PDIA6: variants seen among roughly 807,000 people sequenced by gnomAD.
The protein encoded by PDIA6 is protein disulfide isomerase family A member 6.
In PDIA6, 29 loss-of-function variants were observed where a neutral mutation model predicts 58.4. The ratio of observed to expected loss-of-function variants is 0.50; its 90% CI spans 0.37 to 0.68. The LOEUF (loss-of-function observed/expected upper bound fraction) is 0.68, where lower values mean the gene tolerates loss of function less well. Among genes scored for constraint, PDIA6 ranks in the 30% least tolerant of loss-of-function variants. PDIA6 has a pLI of 0.00. For missense variants in PDIA6, 480 were observed against 551.0 expected (o/e 0.87, Z 1.29); for synonymous variants, 192 against 202.6 (o/e 0.95, Z 0.44).
At chr2:10,834,711 CTCCCTCCCTCCCT>C (rs1667786793), upstream of PDIA6, among the ~76,000 whole-genome samples, 1 of 51,040 alleles carries the variant, frequency 2.0e-5, no homozygotes, top group African/African-American at 6.8e-5. Flanking sequence ...CCCTCCCTCC[CTCCCTCCCTCCCT>C]TCCTTCCCTC....
intron 1 of PDIA6, among the ~76,000 whole-genome samples, chr2:10,804,065 C>T (rs1375556850): frequency 6.6e-5 from 10 of 151,906 alleles, no homozygotes; most frequent in Non-Finnish European, 1.0e-4. Flanking sequence ...CCTGCCACCA[C>T]GCCTGGCTAA....
chr2:10,813,119 C>T (rs1290691537), upstream of PDIA6, among the ~76,000 whole-genome samples: 1 of 152,128 alleles, frequency 6.6e-6, no homozygotes, highest in Non-Finnish European at 1.5e-5. Context: ...CCCGCCTCCT[C>T]CTTGCCTGTG....
At chr2:10,831,629 T>G (rs2148584279) in intron 1 of PDIA6, among the ~76,000 whole-genome samples, 1 of 152,310 alleles carries the variant, frequency 6.6e-6, no homozygotes, top group South Asian at 2.1e-4. Flanking sequence ...CTCCACACCC[T>G]GCCTGGCAGA....
At chr2:10,785,984 A>G (rs553581992) in intron 11 of PDIA6, among the ~76,000 whole-genome samples, 86 of 150,756 alleles carry the variant, frequency 5.7e-4, no homozygotes, top group African/African-American at 1.7e-3. Context: ...AAAGTGTTGG[A>G]ATTACAGGCG....
In PDIA6 at chr2:10,784,094, C is replaced by G; in HGVS notation, c.*164G>C. 6.7e-6 allele frequency: 3 copies of G among 449,582 alleles called. No individual in the cohort carries two copies. The highest frequency in any genetic ancestry group is 1.2e-4 in the South Asian group (2 of 16,398). The allele number at this position is 449,582 out of a possible 1,614,324, so 27.8% of individuals were successfully genotyped here. A position where few individuals can be genotyped will look rare whatever the true frequency, so the allele number is the denominator to read the frequency against. The stretch of plus-strand genomic sequence containing the variant: ...AATTTTTCAATGTTTTCTTGAGATG[C>G]AAAAGTTCACTGTTGCAGTGTTTTC... On this transcript the variant is annotated 3_prime_UTR_variant, in exon 13 of 13. Transcript: ENST00000272227.
upstream of PDIA6, chr2:10,812,954 G>C: frequency 1.7e-6 from 1 of 604,604 alleles, no homozygotes; most frequent in Non-Finnish European, 2.2e-6. Flanking sequence ...TCACGGGGGC[G>C]GTGGCGAGCA....
chr2:10,837,405 C>A, upstream of PDIA6: 1 of 617,120 alleles, frequency 1.6e-6, no homozygotes, highest in Non-Finnish European at 2.9e-6. Flanking sequence ...AAAAAACATA[C>A]GTGAGGAAAT....
At chr2:10,794,112 G>A (rs1391220188) in intron 4 of PDIA6, among the ~76,000 whole-genome samples, 1 of 152,072 alleles carries the variant, frequency 6.6e-6, no homozygotes, top group African/African-American at 2.4e-5. Context: ...GCTTTCTTCA[G>A]TTTAAAGGCA....
At chr2:10,785,596 A>G (rs1303648103) in intron 11 of PDIA6, among the ~76,000 whole-genome samples, 1 of 152,248 alleles carries the variant, frequency 6.6e-6, no homozygotes, top group Non-Finnish European at 1.5e-5. Context: ...TAGACTAACA[A>G]TCTATGGCAC....
chr2:10,799,381 G>C (rs945846483), intron 2 of PDIA6, among the ~76,000 whole-genome samples: 1 of 152,194 alleles, frequency 6.6e-6, no homozygotes, highest in African/African-American at 2.4e-5. Context: ...CATTTAATCA[G>C]CATGAAGCTG....
chr2:10,808,727 A>T (rs1666867615), intron 1 of PDIA6, among the ~76,000 whole-genome samples: 1 of 152,248 alleles, frequency 6.6e-6, no homozygotes, highest in Non-Finnish European at 1.5e-5. Flanking sequence ...GTTATCCAGC[A>T]TGATAGCCAC....
In PDIA6 at chr2:10,791,885, A is replaced by T. The variant is rs1176839508; in HGVS notation, c.494T>A (p.Leu165Gln). 1 of 1,613,996 alleles carries T rather than the reference A, an allele frequency of 6.2e-7. No individual in the cohort carries two copies. Among genetic ancestry groups the T allele is most frequent in the Non-Finnish European group, 8.5e-7 (1 of 1,179,962 alleles). Residue 165 changes from leucine (L) to glutamine (Q), a missense_variant, in exon 6 of 13, where the codon CTG (leucine) becomes CAG (glutamine). Coordinates refer to ENST00000272227, the MANE Select transcript of PDIA6 (RefSeq NM_005742.4). ...DSSSKKDVIE[L>Q]TDDSFDKNVL... ...ATTCTTATCAAAGCTGTCGTCTGTC[A>T]GCTCAATCACATCCTTCTTACTTGA...
At position 10,784,968 on chromosome 2, in the gene PDIA6, A is replaced by G. The variant is rs760425426; in HGVS notation, c.1220T>C (p.Val407Ala). 5 of 1,592,688 alleles carry G rather than the reference A, an allele frequency of 3.1e-6. No homozygotes were observed. In the African/African-American group the frequency reaches 5.4e-5, roughly 17 times the overall value. ...CCTGCCGTCCCAAGGCTCTCTCTCA[A>G]CGATGGTAGGGAAAGCCCCGCCTCC... ...PVGGGAFPTI[V>A]EREPWDGRDG... is the part of the protein sequence containing the mutation. Residue 407 changes from valine (V) to alanine (A), a missense_variant, in exon 12 of 13, where the codon GTT becomes GCT. Physicochemically the swap from Val to Ala is moderately conservative, Grantham distance 64. Transcript: ENST00000272227.
intron 1 of PDIA6, among the ~76,000 whole-genome samples, chr2:10,820,595 C>A (rs538336523): frequency 1.9e-4 from 29 of 152,290 alleles, no homozygotes; most frequent in African/African-American, 7.0e-4. Context: ...TTTGATTTTT[C>A]AGGCTATTCT....
intron 2 of PDIA6, chr2:10,819,165 A>T: frequency 1.5e-6 from 1 of 652,430 alleles, no homozygotes; most frequent in East Asian, 2.8e-5. Flanking sequence ...ATATGACTAG[A>T]CCTCATTTTG....
rs201184814 is a variant in PDIA6 at position 10,783,928 on chromosome 2, TA to T, written c.*329del. ...TAATATTCAAATGAAGGGATCACAT[TA>T]AAAAAAACCCATACATAAGAAACAG... On this transcript the variant is annotated 3_prime_UTR_variant, in exon 13 of 13. Coordinates refer to ENST00000272227, the MANE Select transcript of PDIA6 (RefSeq NM_005742.4). The T allele has an allele frequency of 4.1e-4, 80 of 195,156 alleles. No individual in the cohort carries two copies. The East Asian group carries it at 8.6e-3, about 21-fold the overall frequency. The allele number at this position is 195,156 out of a possible 1,614,324, so 12.1% of individuals were successfully genotyped here.
At chr2:10,784,513 G>A (rs568607373) in intron 12 of PDIA6, 187 bp from the exon 13 acceptor site, 3 of 547,800 alleles carry the variant, frequency 5.5e-6, no homozygotes, top group African/African-American at 1.9e-5. Context: ...GAACTCAGGT[G>A]AAACATTTCA....
At position 10,790,705 on chromosome 2, in the gene PDIA6, A is replaced by G. The variant is rs374163570; in HGVS notation, c.699+14T>C. On this transcript the variant is annotated intron_variant, in intron 7 of 12. Coordinates refer to ENST00000272227, the MANE Select transcript of PDIA6 (RefSeq NM_005742.4). ...TGTATTTCACAATGAAATGAGCCTT[A>G]TAAGTATACTCACCCCGTATCGGGA... 33 of 1,560,974 alleles carry G rather than the reference A, an allele frequency of 2.1e-5. No homozygotes were observed. Among genetic ancestry groups the G allele is most frequent in the African/African-American group, 1.2e-4 (9 of 73,898 alleles).
upstream of PDIA6, among the ~76,000 whole-genome samples, chr2:10,836,682 C>T (rs1273659318): frequency 2.0e-5 from 3 of 152,016 alleles, no homozygotes; most frequent in Non-Finnish European, 4.4e-5. Flanking sequence ...TCAGTCACCT[C>T]AAAAAGAAAC....
Sources: allele counts gnomAD v4.1 joint callset (sites outside exome capture counted in the v4.1 genomes callset), GRCh38; gene constraint gnomAD v4.1.1; transcripts MANE v1.5; gene names NCBI Gene and HGNC (gene_info 2026-07-23, HGNC 2026-07-21).